ZNF423: variants seen among roughly 807,000 people sequenced by gnomAD.
The protein encoded by ZNF423 is Ebf-associated zinc finger protein.
ZNF423 carries 12 observed loss-of-function variants against 95.8 expected under a neutral mutation model. The observed-to-expected ratio is 0.13, with a 90% confidence interval of 0.08 to 0.20. The LOEUF is 0.20. Among genes scored for constraint, ZNF423 ranks in the 10% least tolerant of loss-of-function variants. The pLI is 1.00. For synonymous variants in ZNF423, 749 were observed against 711.9 expected (o/e 1.05, Z -0.83); for missense variants, 1,316 against 1,737.1 (o/e 0.76, Z 4.31).
rs540067339 is a variant in ZNF423, at chr16:49,529,693, A to C, written c.3602-4199T>G. Among the ~76,000 whole-genome samples the C allele has an allele frequency of 2.6e-5, 4 of 152,328 alleles. No homozygotes were observed. The South Asian group carries it at 8.3e-4, about 32-fold the overall frequency. On this transcript the variant is annotated intron_variant, in intron 5 of 7. Transcript: ENST00000563137. ...CCAGGAGGAGAGAGAGCTGATTATCAGAATCCTGAAGGTGAAGCTCAGGTG... is the reference window on the plus strand; with the variant it reads ...CCAGGAGGAGAGAGAGCTGATTATCCGAATCCTGAAGGTGAAGCTCAGGTG...
chr16:49,839,568 G>A (rs1054577828), intron 1 of ZNF423, among the ~76,000 whole-genome samples: 2 of 152,222 alleles, frequency 1.3e-5, no homozygotes, highest in African/African-American at 2.4e-5. Context: ...TGTCTGCAGC[G>A]GAGGAGCGGG....
intron 5 of ZNF423, among the ~76,000 whole-genome samples, chr16:49,544,272 C>T (rs1969361132): frequency 6.6e-6 from 1 of 152,198 alleles, no homozygotes. Context: ...CAGGGAGCTA[C>T]CAGAGGCCAC....
intron 5 of ZNF423, among the ~76,000 whole-genome samples, chr16:49,569,129 C>A (rs562666146): frequency 6.6e-6 from 1 of 152,206 alleles, no homozygotes; most frequent in African/African-American, 2.4e-5. Flanking sequence ...CTCTCCTTTC[C>A]ACCTCTGCTA....
At chr16:49,628,717 C>A (rs941107879) in intron 4 of ZNF423, among the ~76,000 whole-genome samples, 1 of 152,182 alleles carries the variant, frequency 6.6e-6, no homozygotes, top group Admixed American at 6.5e-5. Flanking sequence ...CAAATGACCC[C>A]AAGAGTTCCT....
rs1477780465 is a variant in ZNF423, at chr16:49,492,425, C to T, written c.3850-1121G>A. Among the ~76,000 whole-genome samples, 1 of 152,180 alleles carries T rather than the reference C, an allele frequency of 6.6e-6. No homozygotes were observed. The highest frequency in any genetic ancestry group is 1.5e-5 in the Non-Finnish European group (1 of 68,012). ...ACCGCGTCTCTCCTGGGCTCGGGTC[C>T]GCGGCGAGGGCGACCAGGTGATGCC... On this transcript the variant is annotated intron_variant, in intron 7 of 7. Transcript: ENST00000563137. This position sits in a 1 kb window ranked among gnomAD's most constrained non-coding sequence, Gnocchi z 4.2.
intron 1 of ZNF423, among the ~76,000 whole-genome samples, chr16:49,818,275 G>C (rs1039695182): frequency 1.1e-4 from 17 of 152,180 alleles, no homozygotes; most frequent in South Asian, 2.1e-4. Flanking sequence ...ATGCCCGGGC[G>C]CCCACAGAGA....
chr16:49,810,600 A>G (rs1047912768), intron 1 of ZNF423, among the ~76,000 whole-genome samples: 9 of 152,172 alleles, frequency 5.9e-5, no homozygotes, highest in Admixed American at 1.3e-4. Flanking sequence ...CTCCCAGCTC[A>G]GGGCCTCGTC....
intron 2 of ZNF423, among the ~76,000 whole-genome samples, chr16:49,755,241 C>T (rs777139865): frequency 2.2e-4 from 34 of 152,296 alleles, no homozygotes; most frequent in Non-Finnish European, 3.2e-4. Flanking sequence ...ACAAAGCAGG[C>T]GGGAAAAGAG....
chr16:49,817,510 T>C lies in ZNF423; in HGVS notation c.41-27964A>G, dbSNP rs566303433. Among the ~76,000 whole-genome samples the C allele has an allele frequency of 6.0e-4, 91 of 152,028 alleles. 1 individual carries two copies. Among genetic ancestry groups the C allele is most frequent in the Non-Finnish European group, 9.0e-4 (61 of 67,968 alleles). On this transcript the variant is annotated intron_variant, in intron 1 of 7. Coordinates refer to ENST00000563137, the MANE Select transcript of ZNF423 (RefSeq NM_001379286.1). Reference sequence around the variant, plus strand: ...TGGGGAGGACTTTCCAGGAAGGAAATGCAGAGCAGCAACAGGAACACAGGT... The same window carrying C: ...TGGGGAGGACTTTCCAGGAAGGAAACGCAGAGCAGCAACAGGAACACAGGT...
intron 7 of ZNF423, among the ~76,000 whole-genome samples, chr16:49,521,697 T>A (rs1968402724): frequency 6.6e-6 from 1 of 152,224 alleles, no homozygotes; most frequent in Non-Finnish European, 1.5e-5. Flanking sequence ...AAAGGCCTCA[T>A]GTACAATACA....
At chr16:49,692,092 GATGAATGCTACC>G (rs1249417508) in intron 3 of ZNF423, among the ~76,000 whole-genome samples, 2 of 152,106 alleles carry the variant, frequency 1.3e-5, no homozygotes, top group African/African-American at 4.8e-5. Flanking sequence ...TGGGTCTACA[GATGAATGCTACC>G]ATGCCCAGCT....
At chr16:49,811,683 C>T (rs370851327) in intron 1 of ZNF423, among the ~76,000 whole-genome samples, 10 of 152,238 alleles carry the variant, frequency 6.6e-5, no homozygotes, top group East Asian at 5.8e-4. Flanking sequence ...CAGCCATCCC[C>T]GCAGGACTGG....
intron 5 of ZNF423, among the ~76,000 whole-genome samples, chr16:49,532,073 C>T (rs1023808676): frequency 3.3e-5 from 5 of 152,196 alleles, no homozygotes; most frequent in African/African-American, 9.7e-5. Flanking sequence ...GACCAATATT[C>T]TATGTGGAAG....
chr16:49,497,741 A>G (rs1172306581), intron 7 of ZNF423, among the ~76,000 whole-genome samples: 1 of 152,234 alleles, frequency 6.6e-6, no homozygotes, highest in Non-Finnish European at 1.5e-5. Context: ...GCCAAGCCCG[A>G]GAATGCACCT....
chr16:49,655,528 C>A (rs989339868), intron 3 of ZNF423, among the ~76,000 whole-genome samples: 9 of 152,194 alleles, frequency 5.9e-5, no homozygotes, highest in Non-Finnish European at 8.8e-5. Context: ...GCATGGGGTC[C>A]CCTTCCACGT....
chr16:49,500,889 G>A (rs1342021289), intron 7 of ZNF423, among the ~76,000 whole-genome samples: 1 of 151,422 alleles, frequency 6.6e-6, no homozygotes, highest in African/African-American at 2.4e-5. Context: ...GCCACAGGGT[G>A]AGACCTCATT....
At chr16:49,679,218 G>A (rs926022850) in intron 3 of ZNF423, among the ~76,000 whole-genome samples, 7 of 152,232 alleles carry the variant, frequency 4.6e-5, no homozygotes, top group African/African-American at 9.6e-5. Context: ...AGTCTGGAGC[G>A]ACCGCTGCAA....
chr16:49,855,570 T>TCCTCCGCCTCCG lies in ZNF423; in HGVS notation c.40+153_40+164dup, dbSNP rs759803732. Among the ~76,000 whole-genome samples, 16 of 141,304 alleles carry TCCTCCGCCTCCG rather than the reference T, an allele frequency of 1.1e-4. No homozygotes were observed. Among genetic ancestry groups the TCCTCCGCCTCCG allele is most frequent in the South Asian group, 2.4e-4 (1 of 4,194 alleles). The allele number at this position is 141,304 out of a possible 152,430, so 92.7% of individuals were successfully genotyped here. On this transcript the variant is annotated intron_variant, in intron 1 of 7. Transcript: ENST00000563137. The surrounding 1 kb of genome is among the most constrained non-coding windows in gnomAD (Gnocchi z 4.7). ...CCTGCTCCCGGCTTCCTCCTCCCCC[T>TCCTCCGCCTCCG]CCTCCGCCTCCGCCTCCGCCTCCGC... is the stretch of plus-strand genomic sequence containing the variant.
At chr16:49,804,581 A>G (rs1469912440) in intron 1 of ZNF423, among the ~76,000 whole-genome samples, 1 of 152,130 alleles carries the variant, frequency 6.6e-6, no homozygotes, top group Non-Finnish European at 1.5e-5. Flanking sequence ...ACAGGCTACA[A>G]GGCCACCTCC....
Sources: allele counts gnomAD v4.1 joint callset (sites outside exome capture counted in the v4.1 genomes callset), GRCh38; gene constraint gnomAD v4.1.1; non-coding constraint Gnocchi (gnomAD v3.1); transcripts MANE v1.5; gene names NCBI Gene and HGNC (gene_info 2026-07-23, HGNC 2026-07-21).